Variants in CCR5AS observed in about 807,000 individuals in gnomAD.
CCR5AS encodes CCR5 antisense RNA.
intron 1 of CCR5AS, among the ~76,000 whole-genome samples, chr3:46,406,140 A>G (rs918755834): frequency 2.6e-5 from 4 of 152,172 alleles, no homozygotes; most frequent in African/African-American, 9.7e-5. Flanking sequence ...ACTTCTGAGT[A>G]GCTGGGGCTG....
At chr3:46,365,857 A>T (rs148396055) in intron 3 of CCR5AS, among the ~76,000 whole-genome samples, 1 of 152,104 alleles carries the variant, frequency 6.6e-6, no homozygotes, top group Non-Finnish European at 1.5e-5. Flanking sequence ...GGCACTCTTG[A>T]TCCTTGCAGC....
chr3:46,389,262 A>G (rs1701887980), intron 2 of CCR5AS, among the ~76,000 whole-genome samples: 1 of 152,236 alleles, frequency 6.6e-6, no homozygotes, highest in South Asian at 2.1e-4. Context: ...CAGAAGGAAG[A>G]GGAGAGATCA....
chr3:46,375,496 C>T (rs967971747), intron 2 of CCR5AS: 5 of 166,982 alleles, frequency 3.0e-5, no homozygotes, highest in African/African-American at 1.2e-4. Flanking sequence ...GCCTGAAAAA[C>T]TAAGATGCTG....
At chr3:46,382,199 A>G (rs562410880) in intron 2 of CCR5AS, among the ~76,000 whole-genome samples, 8 of 152,362 alleles carry the variant, frequency 5.3e-5, no homozygotes, top group Non-Finnish European at 1.0e-4. Context: ...CCAAGTGTAC[A>G]GTAAAGGAAC....
intron 2 of CCR5AS, among the ~76,000 whole-genome samples, chr3:46,389,698 C>A (rs1396981972): frequency 6.6e-6 from 1 of 152,096 alleles, no homozygotes; most frequent in Admixed American, 6.6e-5. Flanking sequence ...GGGGAAAAGA[C>A]TTATGGTCTA....
At chr3:46,399,387 A>C (rs983859475) in intron 1 of CCR5AS, among the ~76,000 whole-genome samples, 21 of 152,198 alleles carry the variant, frequency 1.4e-4, no homozygotes, top group African/African-American at 5.1e-4. Context: ...GCCAGGCTGC[A>C]GGGTGTAGAG....
chr3:46,404,325 C>CTA (rs1702028900), intron 1 of CCR5AS, among the ~76,000 whole-genome samples: 3 of 80,752 alleles, frequency 3.7e-5, no homozygotes, highest in Non-Finnish European at 7.2e-5. Context: ...CTCTCTCTCT[C>CTA]TCTTTTTTTT....
chr3:46,374,036 G>A lies in CCR5AS; in HGVS notation n.392-2619C>T, dbSNP rs536872608. 148 of 1,118,184 alleles carry A rather than the reference G, an allele frequency of 1.3e-4. 4 individuals are homozygous for A. In the South Asian group the frequency reaches 2.1e-3, roughly 16 times the overall value. 69.3% of individuals were successfully genotyped at this position (1,118,184 alleles called of 1,614,324 possible). A position where few individuals can be genotyped will look rare whatever the true frequency, so the allele number is the denominator to read the frequency against. The stretch of plus-strand genomic sequence containing the variant: ...AGTTTTCATACACAGCCTGGGCTGG[G>A]GGTGGGGTGGGAGAGGTCTTTTTTA... On this transcript the variant is annotated intron_variant and non_coding_transcript_variant, in intron 2 of 3. Transcript: ENST00000451485.
chr3:46,369,057 C>G (rs1701629772), intron 3 of CCR5AS, among the ~76,000 whole-genome samples: 1 of 152,158 alleles, frequency 6.6e-6, no homozygotes, highest in Admixed American at 6.5e-5. Context: ...TTATTTGTTA[C>G]CTATTTTTGA....
chr3:46,389,733 T>G (rs1246446423), intron 2 of CCR5AS, among the ~76,000 whole-genome samples: 1 of 152,122 alleles, frequency 6.6e-6, no homozygotes, highest in Non-Finnish European at 1.5e-5. Flanking sequence ...TTACCCTTTG[T>G]GAGCTAGTAA....
intron 2 of CCR5AS, chr3:46,373,280 G>A (rs771244514): frequency 3.1e-5 from 50 of 1,614,112 alleles, no homozygotes; most frequent in Non-Finnish European, 4.2e-5. Context: ...CAATCGATAG[G>A]TACCTGGCTG....
chr3:46,369,133 G>T (rs1438170581), intron 3 of CCR5AS, among the ~76,000 whole-genome samples: 1 of 151,956 alleles, frequency 6.6e-6, no homozygotes, highest in Non-Finnish European at 1.5e-5. Context: ...GTGCCCAAAA[G>T]GCTCTACACT....
In CCR5AS at chr3:46,406,658, C is replaced by A. The variant is rs1016751559; in HGVS notation, n.163+239G>T. Among the ~76,000 whole-genome samples, 41 of 152,122 alleles carry A rather than the reference C, an allele frequency of 2.7e-4. 1 individual carries two copies. Among genetic ancestry groups the A allele is most frequent in the Non-Finnish European group, 5.9e-5 (4 of 68,026 alleles). Reference sequence around the variant, plus strand: ...TCTCCTTTTCCGAGTGGGGTCAGCTCCCCCATGAGTCACAGCACCAATCAC... The same window carrying A: ...TCTCCTTTTCCGAGTGGGGTCAGCTACCCCATGAGTCACAGCACCAATCAC... On this transcript the variant is annotated intron_variant and non_coding_transcript_variant, in intron 1 of 3. Transcript: ENST00000451485.
chr3:46,390,359 C>T (rs187155646), intron 2 of CCR5AS, among the ~76,000 whole-genome samples: 6 of 152,196 alleles, frequency 3.9e-5, no homozygotes, highest in East Asian at 1.9e-4. Flanking sequence ...ATCAACAAGA[C>T]GAAGATCCTG....
intron 1 of CCR5AS, among the ~76,000 whole-genome samples, chr3:46,400,941 A>G (rs980780692): frequency 6.6e-6 from 1 of 152,218 alleles, no homozygotes; most frequent in African/African-American, 2.4e-5. Flanking sequence ...TCTGAGACAG[A>G]TGTGAGAGGG....
chr3:46,384,006 G>A lies in CCR5AS; in HGVS notation n.391+8819C>T, dbSNP rs566529010. 7.2e-5 allele frequency among the ~76,000 whole-genome samples: 11 copies of A among 152,340 alleles called. No homozygotes were observed. In the South Asian group the frequency reaches 8.3e-4, roughly 11 times the overall value. The stretch of plus-strand genomic sequence containing the variant: ...GAATACCTGAGGTTTGTGGTCTCAC[G>A]CCAAGGGAATCAAGGACTCAGGCAC... On this transcript the variant is annotated intron_variant and non_coding_transcript_variant, in intron 2 of 3. Coordinates refer to ENST00000451485, the Ensembl canonical transcript of CCR5AS.
intron 2 of CCR5AS, chr3:46,373,413 A>G: frequency 6.2e-7 from 1 of 1,612,488 alleles, no homozygotes; most frequent in Non-Finnish European, 8.5e-7. Context: ...CAGATCTCAA[A>G]AAGAAGGTCT....
rs142469507 is a variant in CCR5AS, at chr3:46,373,672, T to A, written n.392-2255A>T. ...GCTCCCTACAACATTGTCCTTCTCCTGAACACCTTCCAGGAATTCTTTGGC... is the reference window on the plus strand; with the variant it reads ...GCTCCCTACAACATTGTCCTTCTCCAGAACACCTTCCAGGAATTCTTTGGC... On this transcript the variant is annotated intron_variant and non_coding_transcript_variant, in intron 2 of 3. Transcript: ENST00000451485. The A allele has an allele frequency of 3.1e-6, 5 of 1,614,038 alleles. No individual in the cohort carries two copies. In the African/African-American group the frequency reaches 6.7e-5, roughly 22 times the overall value.
At chr3:46,374,002 A>G (rs544907003) in intron 2 of CCR5AS, 2 of 1,459,378 alleles carry the variant, frequency 1.4e-6, no homozygotes, top group Non-Finnish European at 1.9e-6. Flanking sequence ...AGAGTTGTGC[A>G]CATGGCTTAG....
Sources: gnomAD v4.1 joint callset for allele counts (sites outside exome capture counted in the v4.1 genomes callset) on GRCh38, gnomAD v4.1.1 for gene constraint, MANE v1.5 for transcripts, NCBI Gene and HGNC (gene_info 2026-07-23, HGNC 2026-07-21) for gene names.